The following ARL15 variants were observed in gnomAD, a reference collection of about 807,000 sequenced individuals.
The protein encoded by ARL15 is ARF like GTPase 15.
Under a neutral mutation model 25.2 loss-of-function variants are expected in ARL15, and 19 were observed. That is an observed-to-expected ratio of 0.75 (90% CI 0.53 to 1.10). The LOEUF is 1.10. Among genes scored for constraint, ARL15 ranks in the 50% least tolerant of loss-of-function variants. The pLI is 0.00. For missense variants in ARL15, 220 were observed against 246.0 expected, an observed-to-expected ratio of 0.89 and a Z score of 0.71; for synonymous variants, 94 against 86.8, an observed-to-expected ratio of 1.08 and a Z score of -0.46.
At chr5:54,004,789 CTGTG>C (rs60269500) in intron 4 of ARL15, among the ~76,000 whole-genome samples, 17,240 of 149,492 alleles carry the variant, frequency 0.12, 1,340 homozygotes, top group African/African-American at 0.21. Context: ...GTGTGTGTGC[CTGTG>C]TGTGTGTGTG....
At chr5:53,893,016 CAA>C (rs1484130265) in intron 4 of ARL15, among the ~76,000 whole-genome samples, 1 of 152,112 alleles carries the variant, frequency 6.6e-6, no homozygotes, top group African/African-American at 2.4e-5. Context: ...ATGATTGTTA[CAA>C]AAAGAGTGGG....
intron 1 of ARL15, chr5:54,308,067 A>G (rs1758807021): frequency 6.6e-6 from 1 of 152,258 alleles, no homozygotes; most frequent in African/African-American, 2.4e-5. Flanking sequence ...CAGAGTATGC[A>G]TAAGCAAGCA....
intron 1 of ARL15, among the ~76,000 whole-genome samples, chr5:54,295,941 C>A (rs932303580): frequency 4.6e-5 from 7 of 152,214 alleles, no homozygotes; most frequent in African/African-American, 1.7e-4. Context: ...GAAATAGGAA[C>A]TGAAGGCTCC....
intron 4 of ARL15, among the ~76,000 whole-genome samples, chr5:53,910,635 AT>A (rs1357218111): frequency 1.3e-4 from 5 of 38,354 alleles, no homozygotes; most frequent in Non-Finnish European, 2.4e-4. Context: ...AAAAAAAATT[AT>A]ATATATATAT....
intron 1 of ARL15, among the ~76,000 whole-genome samples, chr5:54,221,185 G>T (rs27636): frequency 0.086 from 13,013 of 152,180 alleles, 669 homozygotes; most frequent in East Asian, 0.2. Flanking sequence ...TTTCTTGTAT[G>T]TTAGGACTCA....
At chr5:53,971,612 A>T (rs1747752633) in intron 4 of ARL15, among the ~76,000 whole-genome samples, 1 of 21,546 alleles carries the variant, frequency 4.6e-5, no homozygotes, top group Non-Finnish European at 1.1e-4. Flanking sequence ...GAAGTGATTA[A>T]AAAAAAAAGA....
chr5:54,109,426 C>T (rs754071715), intron 4 of ARL15, among the ~76,000 whole-genome samples: 1 of 151,830 alleles, frequency 6.6e-6, no homozygotes, highest in Non-Finnish European at 1.5e-5. Flanking sequence ...GTTAACAAAA[C>T]GTGTTCTTTT....
chr5:54,155,997 T>C (rs1283669888), intron 2 of ARL15, among the ~76,000 whole-genome samples: 1 of 152,202 alleles, frequency 6.6e-6, no homozygotes, highest in East Asian at 1.9e-4. Context: ...TTTTCAAGAA[T>C]TTATCAACAA....
intron 4 of ARL15, among the ~76,000 whole-genome samples, chr5:54,079,249 TA>T (rs1203026177): frequency 6.6e-6 from 1 of 152,196 alleles, no homozygotes; most frequent in African/African-American, 2.4e-5. Context: ...GCTGGATAAT[TA>T]TGCACTGAAG....
chr5:54,052,297 A>G (rs752230659), intron 4 of ARL15, among the ~76,000 whole-genome samples: 6 of 152,216 alleles, frequency 3.9e-5, no homozygotes, highest in Non-Finnish European at 8.8e-5. Context: ...AATTAACTAG[A>G]AAGTCGGGGA....
chr5:54,241,362 CATT>C (rs1756951788), intron 1 of ARL15, among the ~76,000 whole-genome samples: 1 of 151,622 alleles, frequency 6.6e-6, no homozygotes, highest in Admixed American at 6.6e-5. Context: ...CCCTGTATGT[CATT>C]ATTATTCAGA....
At chr5:54,158,771 G>T (rs547823742) in intron 2 of ARL15, among the ~76,000 whole-genome samples, 12 of 152,270 alleles carry the variant, frequency 7.9e-5, no homozygotes, top group Admixed American at 2.6e-4. Context: ...TACTTGGGAG[G>T]CTGAGGCAGG....
chr5:54,138,143 T>C (rs560142650), intron 3 of ARL15, among the ~76,000 whole-genome samples: 8 of 152,268 alleles, frequency 5.3e-5, no homozygotes, highest in African/African-American at 1.2e-4. Context: ...TATTATTATA[T>C]TTAGGATTTT....
chr5:54,005,592 G>A (rs1000507066), intron 4 of ARL15, among the ~76,000 whole-genome samples: 6 of 151,514 alleles, frequency 4.0e-5, no homozygotes, highest in East Asian at 2.0e-4. Flanking sequence ...AGCCGGGCGC[G>A]GTAGCTCACG....
At chr5:54,083,491 ATGAAT>A (rs1314033234) in intron 4 of ARL15, among the ~76,000 whole-genome samples, 1 of 152,224 alleles carries the variant, frequency 6.6e-6, no homozygotes, top group Non-Finnish European at 1.5e-5. Context: ...TGACAATGAA[ATGAAT>A]CTGAATATAC....
At chr5:54,029,345 C>CACCACCACCACT (rs1554035218) in intron 4 of ARL15, among the ~76,000 whole-genome samples, 39 of 141,716 alleles carry the variant, frequency 2.8e-4, no homozygotes, top group Non-Finnish European at 5.6e-4. Flanking sequence ...CCACCACCAC[C>CACCACCACCACT]ACCACCACCA....
chr5:53,973,281 A>G (rs1747810907), intron 4 of ARL15, among the ~76,000 whole-genome samples: 1 of 152,166 alleles, frequency 6.6e-6, no homozygotes, highest in South Asian at 2.1e-4. Flanking sequence ...ACAAATAAAT[A>G]TAAAAAATTA....
chr5:54,295,851 G>A (rs1758453563), intron 1 of ARL15, among the ~76,000 whole-genome samples: 1 of 152,084 alleles, frequency 6.6e-6, no homozygotes, highest in Admixed American at 6.5e-5. Flanking sequence ...CAGGAAGAAG[G>A]GATAAAAGAG....
chr5:54,029,857 C>T (rs954649851), intron 4 of ARL15, among the ~76,000 whole-genome samples: 1 of 152,028 alleles, frequency 6.6e-6, no homozygotes, highest in Non-Finnish European at 1.5e-5. Flanking sequence ...ATTAGCCGGG[C>T]ATAGTGGCGG....
Sources: gnomAD v4.1 joint callset for allele counts (sites outside exome capture counted in the v4.1 genomes callset) on GRCh38, gnomAD v4.1.1 for gene constraint, MANE v1.5 for transcripts, NCBI Gene and HGNC (gene_info 2026-07-23, HGNC 2026-07-21) for gene names.